The following TATDN2 variants were observed in gnomAD, a reference collection of about 807,000 sequenced individuals.
TATDN2 encodes 3'-5' RNA nuclease TATDN2.
Under a neutral mutation model 60.3 loss-of-function variants are expected in TATDN2, and 44 were observed. The ratio of observed to expected loss-of-function variants is 0.73; its 90% CI spans 0.57 to 0.94. The LOEUF (loss-of-function observed/expected upper bound fraction) is 0.94, where lower values mean the gene tolerates loss of function less well. TATDN2 is among the 40% of genes least tolerant of loss of function. TATDN2 has a pLI of 0.00. For missense variants in TATDN2, 997 were observed against 948.0 expected (o/e 1.05, Z -0.68); for synonymous variants, 399 against 355.8 (o/e 1.12, Z -1.37).
chr3:10,251,856 T>A (rs1288496528), intron 2 of TATDN2, among the ~76,000 whole-genome samples: 3 of 36,958 alleles, frequency 8.1e-5, no homozygotes, highest in Non-Finnish European at 1.2e-4. Context: ...AGATTAAAAA[T>A]TTTTTTTTTG....
At position 10,278,611 on chromosome 3, in the gene TATDN2, A is replaced by G; in HGVS notation, c.2145+149A>G. 1 of 1,142,894 alleles carries G rather than the reference A, an allele frequency of 8.7e-7. No individual in the cohort carries two copies. The highest frequency in any genetic ancestry group is 1.3e-5 in the South Asian group (1 of 79,732). 70.8% of individuals were successfully genotyped at this position (1,142,894 alleles called of 1,614,324 possible). ...AGATGCCTCCTTGCTGTTACTCTGC[A>G]GAACCAAAAGTCTAGGGGGCTGAGA... On this transcript the variant is annotated intron_variant, in intron 6 of 7. Coordinates refer to ENST00000448281, the MANE Select transcript of TATDN2 (RefSeq NM_014760.4). The surrounding 1 kb of genome is among the most constrained non-coding windows in gnomAD (Gnocchi z 4.7).
Position 10,249,735 on chromosome 3 carries a change from C to T in TATDN2, c.414+121C>T, listed in dbSNP as rs568877843. On this transcript the variant is annotated intron_variant, in intron 2 of 7. Coordinates refer to ENST00000448281, the MANE Select transcript of TATDN2 (RefSeq NM_014760.4). ...TTACATCCTTGAAGGTCTGGAAGGT[C>T]TTTCTAGAAGTCCACTCCCCCCAAA... 6 of 1,219,012 alleles carry T rather than the reference C, an allele frequency of 4.9e-6. No homozygotes were observed. The South Asian group carries it at 8.7e-5, about 18-fold the overall frequency. 75.5% of individuals were successfully genotyped at this position (1,219,012 alleles called of 1,614,324 possible).
chr3:10,263,403 TTCTC>T, intron 3 of TATDN2, among the ~76,000 whole-genome samples: 2 of 152,154 alleles, frequency 1.3e-5, no homozygotes, highest in Middle Eastern at 6.8e-3. Flanking sequence ...TCTTCTCTCT[TTCTC>T]TCTCTAGCTT....
intron 2 of TATDN2, among the ~76,000 whole-genome samples, chr3:10,259,756 A>G (rs1325579285): frequency 1.3e-5 from 2 of 152,004 alleles, no homozygotes; most frequent in African/African-American, 2.4e-5. Context: ...GGTTTCCTTT[A>G]CCCTTAGATA....
At chr3:10,272,396 C>G (rs567546737) in intron 4 of TATDN2, among the ~76,000 whole-genome samples, 1 of 152,206 alleles carries the variant, frequency 6.6e-6, no homozygotes, top group African/African-American at 2.4e-5. Flanking sequence ...GGCTCAGCCT[C>G]CTGAGTAGCT....
chr3:10,253,714 A>G (rs1414343590), intron 2 of TATDN2, among the ~76,000 whole-genome samples: 2 of 152,248 alleles, frequency 1.3e-5, no homozygotes, highest in African/African-American at 4.8e-5. Flanking sequence ...TAATCCCAAA[A>G]GTGTCGTGAA....
Position 10,274,087 on chromosome 3 carries a change from T to G in TATDN2, c.1834-2274T>G, listed in dbSNP as rs1376865670. On this transcript the variant is annotated intron_variant, in intron 4 of 7. Transcript: ENST00000448281. The stretch of plus-strand genomic sequence containing the variant: ...GAAGCCAACCTTATGCAGGTAGAAG[T>G]GAGTAATTATACTGGGTAATAACTC... 4.6e-5 allele frequency among the ~76,000 whole-genome samples: 7 copies of G among 152,320 alleles called. 1 individual carries two copies. The East Asian group carries it at 1.3e-3, about 29-fold the overall frequency.
rs1443410858 is a variant in TATDN2 at position 10,260,363 on chromosome 3, C to T, written c.641C>T (p.Ala214Val). The T allele has an allele frequency of 6.2e-7, 1 of 1,614,184 alleles. No homozygotes were observed. The highest frequency in any genetic ancestry group is 1.1e-5 in the South Asian group (1 of 91,086). The change falls in exon 3 of 8, where the codon GCA becomes GTA. Residue 214 changes from alanine (A) to valine (V), a missense_variant. Physicochemically the swap from Ala to Val is moderately conservative, Grantham distance 64. Transcript: ENST00000448281. ...GCTGCCACTCGGGCAAAACCAAGCGCAGCAGAGCATCCCAGCCATGGAGAA... is the reference window on the plus strand; with the variant it reads ...GCTGCCACTCGGGCAAAACCAAGCGTAGCAGAGCATCCCAGCCATGGAGAA... Reference protein sequence around the residue: ...GEAATRAKPSAAEHPSHGEGP... With the variant: ...GEAATRAKPSVAEHPSHGEGP...
rs1698188838 is a variant in TATDN2, at chr3:10,249,490, C to T, written c.290C>T (p.Ala97Val). 5 of 1,612,788 alleles carry T rather than the reference C, an allele frequency of 3.1e-6. No homozygotes were observed. The highest frequency in any genetic ancestry group is 2.5e-6 in the Non-Finnish European group (3 of 1,179,430). The change falls in exon 2 of 8, where the codon GCC becomes GTC. Residue 97 changes from alanine to valine, a missense_variant. Ala to Val is a moderately conservative substitution (Grantham distance 64). Coordinates refer to ENST00000448281, the MANE Select transcript of TATDN2 (RefSeq NM_014760.4). ...TTGGGCCCTGGTGTGGGCGGGGCCG[C>T]CTCCAAAGGCTGCCTGATTCGGAAC... ...HFLGPGVGGA[A>V]SKGCLIRNTR...
rs1039606134 is a variant in TATDN2, at chr3:10,270,371, T to C, written c.1189T>C (p.Ser397Pro). Reference protein sequence around the residue: ...TSSPKPSSYPSTGSSSNDAAQ... With the variant: ...TSSPKPSSYPPTGSSSNDAAQ... ...CAGCCCCAAGCCTTCTAGCTACCCC[T>C]CCACAGGCAGCAGCAGCAACGATGC... Residue 397 changes from serine (S) to proline (P), a missense_variant, in exon 4 of 8, where the codon TCC becomes CCC. Physicochemically the swap from Ser to Pro is moderately conservative, Grantham distance 74. Transcript: ENST00000448281. The C allele has an allele frequency of 5.6e-6, 9 of 1,613,984 alleles. No homozygotes were observed. The highest frequency in any genetic ancestry group is 6.8e-6 in the Non-Finnish European group (8 of 1,179,988).
intron 2 of TATDN2, among the ~76,000 whole-genome samples, chr3:10,255,249 A>G (rs909390426): frequency 6.6e-5 from 10 of 150,974 alleles, no homozygotes; most frequent in Non-Finnish European, 1.0e-4. Flanking sequence ...TGTGGGCTCG[A>G]GTGATCTGCC....
chr3:10,277,224 G>T (rs1282859297), intron 5 of TATDN2, among the ~76,000 whole-genome samples: 2 of 152,174 alleles, frequency 1.3e-5, no homozygotes, highest in Non-Finnish European at 2.9e-5. Context: ...TGAAAATCAA[G>T]GTCATGTTTT....
At chr3:10,279,184 G>T (rs1698687665) in intron 7 of TATDN2, 37 bp from the exon 8 acceptor site, 2 of 981,424 alleles carry the variant, frequency 2.0e-6, no homozygotes, top group Non-Finnish European at 1.5e-6. Flanking sequence ...GAGTGACATG[G>T]TTTGGAACCT....
In TATDN2 at chr3:10,265,505, C is replaced by T. The variant is rs1434248565; in HGVS notation, c.949-4626C>T. ...GACCATCCTGGCTAACACGGTGAAA[C>T]CCCGTCTCTACTAAAAATCCAAAAA... On this transcript the variant is annotated intron_variant, in intron 3 of 7. Coordinates refer to ENST00000448281, the MANE Select transcript of TATDN2 (RefSeq NM_014760.4). 2.0e-5 allele frequency among the ~76,000 whole-genome samples: 3 copies of T among 151,138 alleles called. No individual in the cohort carries two copies. The East Asian group carries it at 5.9e-4, about 30-fold the overall frequency.
rs1281456965 is a variant in TATDN2, at chr3:10,248,593, G to C, written c.-481G>C. 5.9e-5 allele frequency: 9 copies of C among 151,922 alleles called. No homozygotes were observed. Among genetic ancestry groups the C allele is most frequent in the African/African-American group, 1.9e-4 (8 of 41,382 alleles). The allele number at this position is 151,922 out of a possible 1,614,324, so 9.4% of individuals were successfully genotyped here. ...GGGGCAGGCGGCGGGCTGCCCGGCGGGACAGCTGCGGCAGCCGGCGGGGGG... is the reference window on the plus strand; with the variant it reads ...GGGGCAGGCGGCGGGCTGCCCGGCGCGACAGCTGCGGCAGCCGGCGGGGGG... On this transcript the variant is annotated 5_prime_UTR_variant, in exon 1 of 8. Coordinates refer to ENST00000448281, the MANE Select transcript of TATDN2 (RefSeq NM_014760.4).
At position 10,279,026 on chromosome 3, in the gene TATDN2, G is replaced by C; in HGVS notation, c.*1G>C. ...CACCAGTCGCCTCTACAGTCTTTAAGCAGAGAAGGTACAGTCCTCGGGAGT... is the reference window on the plus strand; with the variant it reads ...CACCAGTCGCCTCTACAGTCTTTAACCAGAGAAGGTACAGTCCTCGGGAGT... On this transcript the variant is annotated 3_prime_UTR_variant, in exon 7 of 8. Transcript: ENST00000448281. 1 of 1,614,160 alleles carries C rather than the reference G, an allele frequency of 6.2e-7. No individual in the cohort carries two copies. The highest frequency in any genetic ancestry group is 8.5e-7 in the Non-Finnish European group (1 of 1,180,004).
intron 2 of TATDN2, among the ~76,000 whole-genome samples, chr3:10,257,284 C>CA (rs548562822): frequency 0.01 from 1,272 of 122,244 alleles, 23 homozygotes; most frequent in African/African-American, 0.038. Flanking sequence ...GATTTTGCCT[C>CA]AAAAAAAAAT....
rs1029686612 is a variant in TATDN2, at chr3:10,278,377, C to T, written c.2060C>T (p.Ala687Val). Residue 687 changes from alanine to valine, a missense_variant, in exon 6 of 8, where the codon GCC becomes GTC. Transcript: ENST00000448281. This position sits in a 1 kb window ranked among gnomAD's most constrained non-coding sequence, Gnocchi z 4.7. ...ACGGCAGTGCTGACATACTCCTCTG[C>T]CTGGGAGGCCCGGGAAGCCTTGAGG... ...GFTAVLTYSS[A>V]WEAREALRQI... The T allele has an allele frequency of 6.2e-7, 1 of 1,614,054 alleles. No individual in the cohort carries two copies. Among genetic ancestry groups the T allele is most frequent in the African/African-American group, 1.3e-5 (1 of 74,922 alleles).
intron 3 of TATDN2, among the ~76,000 whole-genome samples, chr3:10,261,732 T>C (rs114351098): frequency 1.6e-3 from 249 of 152,346 alleles, no homozygotes; most frequent in African/African-American, 5.5e-3. Flanking sequence ...GCTTCTCTCA[T>C]CTTTAGCTCT....
Sources: allele counts gnomAD v4.1 joint callset (sites outside exome capture counted in the v4.1 genomes callset), GRCh38; gene constraint gnomAD v4.1.1; non-coding constraint Gnocchi (gnomAD v3.1); transcripts MANE v1.5; gene names NCBI Gene and HGNC (gene_info 2026-07-23, HGNC 2026-07-21).